Variants in PTPRT observed in about 807,000 individuals in gnomAD.
PTPRT encodes receptor-type tyrosine-protein phosphatase T.
Under a neutral mutation model 176.8 loss-of-function variants are expected in PTPRT, and 56 were observed. The ratio of observed to expected loss-of-function variants is 0.32; its 90% CI spans 0.26 to 0.40. PTPRT has a LOEUF of 0.40. Among genes scored for constraint, PTPRT ranks in the 10% least tolerant of loss-of-function variants. The pLI is 1.00. For synonymous variants in PTPRT, 783 were observed against 739.0 expected (o/e 1.06, Z -0.96); for missense variants, 1,540 against 1,908.2 (o/e 0.81, Z 3.60).
intron 7 of PTPRT, among the ~76,000 whole-genome samples, chr20:42,592,792 TAACCATGTTATC>T (rs2145763054): frequency 6.6e-6 from 1 of 152,264 alleles, no homozygotes; most frequent in Admixed American, 6.5e-5. Context: ...GGACTCCACC[TAACCATGTTATC>T]CAGTCCCTGC....
intron 13 of PTPRT, among the ~76,000 whole-genome samples, chr20:42,280,700 C>T (rs2057125063): frequency 1.3e-5 from 2 of 152,310 alleles, no homozygotes; most frequent in South Asian, 4.1e-4. Flanking sequence ...CTTTAAATGT[C>T]ACTGCAATTC....
intron 11 of PTPRT, among the ~76,000 whole-genome samples, chr20:42,333,364 G>T (rs899654152): frequency 6.6e-6 from 1 of 152,030 alleles, no homozygotes; most frequent in Admixed American, 6.6e-5. Flanking sequence ...ATGGAGTCTC[G>T]CTCTGTTACC....
chr20:42,304,075 G>T (rs1600808087), intron 12 of PTPRT, among the ~76,000 whole-genome samples: 1 of 152,232 alleles, frequency 6.6e-6, no homozygotes, highest in East Asian at 1.9e-4. Flanking sequence ...CAGCCTCTAG[G>T]AGGAAAGGGA....
chr20:43,109,044 G>T (rs2012745513), intron 1 of PTPRT, among the ~76,000 whole-genome samples: 1 of 152,066 alleles, frequency 6.6e-6, no homozygotes, highest in Non-Finnish European at 1.5e-5. Flanking sequence ...TTATCTGAGA[G>T]CTCAAGCCCT....
chr20:42,451,316 G>C (rs2070823056), intron 8 of PTPRT, among the ~76,000 whole-genome samples: 1 of 152,182 alleles, frequency 6.6e-6, no homozygotes, highest in African/African-American at 2.4e-5. Context: ...GTTGTTTATA[G>C]AGAGGGAGCC....
chr20:42,548,297 C>T (rs2072710549), intron 7 of PTPRT, among the ~76,000 whole-genome samples: 1 of 151,902 alleles, frequency 6.6e-6, no homozygotes, highest in African/African-American at 2.4e-5. Flanking sequence ...CAATCCAATA[C>T]TGAAACAGAA....
At chr20:42,116,766 G>C (rs181847697) in intron 21 of PTPRT, among the ~76,000 whole-genome samples, 1 of 152,230 alleles carries the variant, frequency 6.6e-6, no homozygotes, top group African/African-American at 2.4e-5. Context: ...TGTAGGTTTC[G>C]GTAATGCACA....
At chr20:42,801,717 T>A (rs867796590) in intron 2 of PTPRT, among the ~76,000 whole-genome samples, 1 of 152,176 alleles carries the variant, frequency 6.6e-6, no homozygotes, top group Non-Finnish European at 1.5e-5. Flanking sequence ...TACAACTTTC[T>A]GGAGCAAATA....
At chr20:42,790,848 C>T (rs1225200341) in intron 3 of PTPRT, among the ~76,000 whole-genome samples, 1 of 152,202 alleles carries the variant, frequency 6.6e-6, no homozygotes, top group African/African-American at 2.4e-5. Flanking sequence ...GAACCTCAAT[C>T]TTTTCATCCA....
intron 12 of PTPRT, among the ~76,000 whole-genome samples, chr20:42,312,210 T>C (rs961327664): frequency 1.3e-5 from 2 of 152,218 alleles, no homozygotes; most frequent in Non-Finnish European, 2.9e-5. Context: ...AATTGCTCAG[T>C]CAATTGCTCT....
In PTPRT at chr20:42,199,372, G is replaced by A; in HGVS notation, c.2359C>T (p.Gln787Ter). 1 of 1,613,816 alleles carries A rather than the reference G, an allele frequency of 6.2e-7. No individual in the cohort carries two copies. Among genetic ancestry groups the A allele is most frequent in the South Asian group, 1.1e-5 (1 of 90,982 alleles). ...YSYYLKLAKK[Q>*]KETQSGAQRE... ...TGGGCTCCACTCTGGGTCTCCTTCT[G>A]CTTCTTGGCCAGCTTCCTTTGGGAC... is the stretch of plus-strand genomic sequence containing the variant. Residue 787 changes from glutamine (Q) to a stop codon, truncating the protein, a stop_gained, in exon 16 of 31, where the codon CAG becomes TAG. Transcript: ENST00000373187. LOFTEE classifies it high-confidence loss of function.
chr20:42,805,773 T>C (rs2077597715), intron 2 of PTPRT, among the ~76,000 whole-genome samples: 1 of 152,222 alleles, frequency 6.6e-6, no homozygotes, highest in South Asian at 2.1e-4. Context: ...TCTGAGCCTG[T>C]GCATTTCTGA....
intron 1 of PTPRT, among the ~76,000 whole-genome samples, chr20:43,068,504 CAAAAAAAAAAAA>C: frequency 1.8e-5 from 1 of 56,558 alleles, no homozygotes; most frequent in Non-Finnish European, 4.5e-5. Flanking sequence ...GACTCTGTCT[CAAAAAAAAAAAA>C]AAAAAAAAGC....
intron 7 of PTPRT, among the ~76,000 whole-genome samples, chr20:42,595,114 A>T (rs1316958507): frequency 2.0e-5 from 3 of 152,052 alleles, no homozygotes; most frequent in African/African-American, 7.2e-5. Context: ...GCAGAGGCCA[A>T]ACTGTACCCA....
At chr20:42,487,178 A>C (rs1203059906) in intron 7 of PTPRT, among the ~76,000 whole-genome samples, 1 of 152,180 alleles carries the variant, frequency 6.6e-6, no homozygotes, top group Non-Finnish European at 1.5e-5. Context: ...TGTTCATTTT[A>C]ACTATTATGG....
At chr20:42,761,477 C>A (rs570014273) in intron 5 of PTPRT, among the ~76,000 whole-genome samples, 1 of 151,454 alleles carries the variant, frequency 6.6e-6, no homozygotes, top group Non-Finnish European at 1.5e-5. Context: ...AAATATCTAG[C>A]GCCATCTAAT....
At chr20:42,750,723 G>C (rs1429018235) in intron 6 of PTPRT, among the ~76,000 whole-genome samples, 1 of 152,118 alleles carries the variant, frequency 6.6e-6, no homozygotes, top group Non-Finnish European at 1.5e-5. Context: ...TTATGAATTA[G>C]AAAATTTTCA....
At chr20:42,122,730 C>G (rs931047115) in intron 19 of PTPRT, among the ~76,000 whole-genome samples, 3 of 152,244 alleles carry the variant, frequency 2.0e-5, no homozygotes, top group Non-Finnish European at 4.4e-5. Context: ...TGAGCTTCCT[C>G]TTGCACACTG....
At chr20:42,370,944 C>G (rs6102813) in intron 9 of PTPRT, among the ~76,000 whole-genome samples, 2 of 152,196 alleles carry the variant, frequency 1.3e-5, no homozygotes, top group African/African-American at 4.8e-5. Flanking sequence ...ATGCTGTTCC[C>G]TCACTACAGC....
Sources: gnomAD v4.1 joint callset for allele counts (sites outside exome capture counted in the v4.1 genomes callset) on GRCh38, gnomAD v4.1.1 for gene constraint, MANE v1.5 for transcripts, NCBI Gene and HGNC (gene_info 2026-07-23, HGNC 2026-07-21) for gene names.